BABAM2: variants seen among roughly 807,000 people sequenced by gnomAD.
BABAM2 encodes BRISC and BRCA1 A complex member 2.
A neutral mutation model predicts 54.7 loss-of-function variants in BABAM2; 31 were observed. The ratio of observed to expected loss-of-function variants is 0.57; its 90% CI spans 0.43 to 0.77. The LOEUF (loss-of-function observed/expected upper bound fraction) is 0.77. Ranked by LOEUF, BABAM2 falls within the 30% of genes least tolerant of loss-of-function variation. The pLI, the probability that BABAM2 is intolerant of heterozygous loss-of-function variation, is 0.00. For synonymous variants in BABAM2, 167 were observed against 162.9 expected, an observed-to-expected ratio of 1.03 and a Z score of -0.19; for missense variants, 364 against 455.8, an observed-to-expected ratio of 0.80 and a Z score of 1.83.
intron 7 of BABAM2, among the ~76,000 whole-genome samples, chr2:28,228,073 C>A (rs896696332): frequency 6.6e-6 from 1 of 152,214 alleles, no homozygotes; most frequent in Non-Finnish European, 1.5e-5. Flanking sequence ...ACACTTGCTA[C>A]CTGTTTTGTA....
chr2:28,240,260 A>G (rs1174510883), intron 8 of BABAM2, among the ~76,000 whole-genome samples: 2 of 152,076 alleles, frequency 1.3e-5, no homozygotes, highest in Non-Finnish European at 1.5e-5. Context: ...AGCTAGGGCT[A>G]TAGGTGCATA....
intron 6 of BABAM2, among the ~76,000 whole-genome samples, chr2:28,062,430 G>C (rs1314166953): frequency 6.6e-6 from 1 of 151,656 alleles, no homozygotes; most frequent in Non-Finnish European, 1.5e-5. Context: ...TGGTGTGGTG[G>C]TGCGTGCCTG....
At chr2:28,309,051 C>G (rs1438505738) in intron 11 of BABAM2, 2 of 152,280 alleles carry the variant, frequency 1.3e-5, no homozygotes, top group African/African-American at 2.4e-5. Context: ...CCTGGGTTCT[C>G]AGTTCGGGGT....
In BABAM2 at chr2:28,296,594, A is replaced by C. The variant is rs1044398530; in HGVS notation, c.935-1744A>C. ...CTGCGGACCTAAGTTTTCCTTCAAG[A>C]AATCATATTGAGTGCTGAGAGTACC... On this transcript the variant is annotated intron_variant, in intron 10 of 11. Transcript: ENST00000379624. Among the ~76,000 whole-genome samples the C allele has an allele frequency of 2.0e-5, 3 of 152,308 alleles. No individual in the cohort carries two copies. The South Asian group carries it at 6.2e-4, about 32-fold the overall frequency.
Position 28,133,158 on chromosome 2 carries a change from A to G in BABAM2, c.680+3778A>G, listed in dbSNP as rs188473426. Among the ~76,000 whole-genome samples the G allele has an allele frequency of 1.2e-4, 18 of 152,320 alleles. No individual in the cohort carries two copies. In the East Asian group the frequency reaches 3.3e-3, roughly 28 times the overall value. On this transcript the variant is annotated intron_variant, in intron 7 of 11. Transcript: ENST00000379624. ...GTATGACTTCTATAAGGGCTTAGAT[A>G]TTTGCTAAAGTTATTAATACTTGTG...
chr2:28,044,737 G>A (rs917441045), intron 5 of BABAM2, among the ~76,000 whole-genome samples: 5 of 152,200 alleles, frequency 3.3e-5, no homozygotes, highest in Non-Finnish European at 7.3e-5. Context: ...CTCTTTGGTA[G>A]TTACAATATT....
chr2:28,112,147 T>TTCTTTCTTTCTTTCCTTCCTTCCC lies in BABAM2; in HGVS notation c.571-17123_571-17122insCTTTCTTTCTTTCCTTCCTTCCCT, dbSNP rs1558346715. Among the ~76,000 whole-genome samples the TTCTTTCTTTCTTTCCTTCCTTCCC allele has an allele frequency of 3.4e-3, 18 of 5,246 alleles. 2 individuals are homozygous for TTCTTTCTTTCTTTCCTTCCTTCCC. The highest frequency in any genetic ancestry group is 4.4e-3 in the Non-Finnish European group (14 of 3,156). 3.4% of individuals were successfully genotyped at this position (5,246 alleles called of 152,430 possible). A position where few individuals can be genotyped will look rare whatever the true frequency, so the allele number is the denominator to read the frequency against. ...TTTCTTTCTTTCTTTCTTTCTTTCT[T>TTCTTTCTTTCTTTCCTTCCTTCCC]TACCTCCCTCCCTCCCTCCCTCCCT... On this transcript the variant is annotated intron_variant, in intron 6 of 11. Coordinates refer to ENST00000379624, the MANE Select transcript of BABAM2 (RefSeq NM_199191.3).
chr2:27,917,014 CTTTTTTTTTTTTTT>C (rs753765833), intron 2 of BABAM2, among the ~76,000 whole-genome samples: 1 of 90,108 alleles, frequency 1.1e-5, no homozygotes, highest in Non-Finnish European at 2.3e-5. Flanking sequence ...TCACTCCAAA[CTTTTTTTTTTTTTT>C]TTTTTTTTGT....
At chr2:28,334,173 CTT>C (rs1691208107) in intron 11 of BABAM2, among the ~76,000 whole-genome samples, 1 of 152,238 alleles carries the variant, frequency 6.6e-6, no homozygotes, top group Non-Finnish European at 1.5e-5. Context: ...GAACAGGAAA[CTT>C]TAGAACTTTC....
chr2:27,921,624 A>AT (rs1239330860), intron 2 of BABAM2, among the ~76,000 whole-genome samples: 1 of 152,166 alleles, frequency 6.6e-6, no homozygotes, highest in Non-Finnish European at 1.5e-5. Flanking sequence ...TCATCTGTAA[A>AT]TTGGGGTAAT....
chr2:28,072,155 G>A lies in BABAM2; in HGVS notation c.570+26356G>A, dbSNP rs114083517. Among the ~76,000 whole-genome samples, 925 of 151,242 alleles carry A rather than the reference G, an allele frequency of 6.1e-3. 13 individuals are homozygous for A. The highest frequency in any genetic ancestry group is 0.021 in the African/African-American group (880 of 41,234). ...CCTGCCTTGGCCTTCCAAAGCACTG[G>A]GATTACAGATGTGAGCCTGGATTCT... On this transcript the variant is annotated intron_variant, in intron 6 of 11. Transcript: ENST00000379624.
At chr2:28,248,209 T>TTTTCTTTC (rs577163923) in intron 10 of BABAM2, among the ~76,000 whole-genome samples, 2 of 100,008 alleles carry the variant, frequency 2.0e-5, no homozygotes, top group African/African-American at 1.0e-4. Context: ...TTCTTTTTCT[T>TTTTCTTTC]TTTTTTTTTT....
intron 7 of BABAM2, among the ~76,000 whole-genome samples, chr2:28,163,967 G>GA (rs1478576390): frequency 6.6e-6 from 1 of 152,186 alleles, no homozygotes; most frequent in Non-Finnish European, 1.5e-5. Flanking sequence ...AGGTGGTACT[G>GA]AAAACTGAAG....
chr2:28,160,735 G>T (rs954460754), intron 7 of BABAM2, among the ~76,000 whole-genome samples: 158 of 129,120 alleles, frequency 1.2e-3, no homozygotes, highest in Non-Finnish European at 1.3e-3. Flanking sequence ...CATATAAATT[G>T]TTTTTTTTTT....
chr2:28,155,977 T>A (rs186389124), intron 7 of BABAM2, among the ~76,000 whole-genome samples: 58 of 152,330 alleles, frequency 3.8e-4, no homozygotes, highest in African/African-American at 1.4e-3. Flanking sequence ...ATTCACTAGA[T>A]CACCTCCTCT....
intron 6 of BABAM2, among the ~76,000 whole-genome samples, chr2:28,053,705 C>G (rs1678171764): frequency 6.6e-6 from 1 of 152,074 alleles, no homozygotes; most frequent in South Asian, 2.1e-4. Context: ...GCAGACAGGA[C>G]TTAGGGAAAA....
intron 7 of BABAM2, among the ~76,000 whole-genome samples, chr2:28,139,316 C>T (rs112041118): frequency 0.29 from 28,344 of 97,940 alleles, 4,109 homozygotes; most frequent in Middle Eastern, 0.51. Context: ...AGTGAAACTC[C>T]GTCTCAAAAA....
In BABAM2 at chr2:28,321,162, G is replaced by A. The variant is rs190574860; in HGVS notation, c.1089-17288G>A. ...CGTAGCTGTATGATGGCAGTGGAGGGGTGGGCAGGAAGGAAACCAAGGCTT... is the reference window on the plus strand; with the variant it reads ...CGTAGCTGTATGATGGCAGTGGAGGAGTGGGCAGGAAGGAAACCAAGGCTT... On this transcript the variant is annotated intron_variant, in intron 11 of 11. Transcript: ENST00000379624. Among the ~76,000 whole-genome samples, 14 of 152,028 alleles carry A rather than the reference G, an allele frequency of 9.2e-5. No homozygotes were observed. The East Asian group carries it at 1.7e-3, about 19-fold the overall frequency.
intron 6 of BABAM2, among the ~76,000 whole-genome samples, chr2:28,048,880 C>G (rs1296142856): frequency 6.6e-6 from 1 of 152,154 alleles, no homozygotes; most frequent in Non-Finnish European, 1.5e-5. Flanking sequence ...TCTTAATTTT[C>G]TTAGAGTGTG....
Sources: allele counts gnomAD v4.1 joint callset (sites outside exome capture counted in the v4.1 genomes callset), GRCh38; gene constraint gnomAD v4.1.1; transcripts MANE v1.5; gene names NCBI Gene and HGNC (gene_info 2026-07-23, HGNC 2026-07-21).